The following ANXA8 variants were observed in gnomAD, a reference collection of about 807,000 sequenced individuals.
ANXA8 encodes the protein annexin A8, also known as VAC-beta.
ANXA8 carries 9 observed loss-of-function variants against 26.8 expected under a neutral mutation model. That is an observed-to-expected ratio of 0.34 (90% CI 0.20 to 0.59). ANXA8 has a LOEUF of 0.59. Ranked by LOEUF, ANXA8 falls within the 20% of genes least tolerant of loss-of-function variation. The pLI is 0.84. For missense variants in ANXA8, 83 were observed against 238.5 expected, an observed-to-expected ratio of 0.35 and a Z score of 4.29; for synonymous variants, 39 against 94.8, an observed-to-expected ratio of 0.41 and a Z score of 3.42.
At chr10:47,500,995 G>A in the ANXA8 span, among the ~76,000 whole-genome samples, 12 of 139,810 alleles carry the variant, frequency 8.6e-5, no homozygotes, top group African/African-American at 2.2e-4. Flanking sequence ...CTGGGTTCAC[G>A]CCATTCTCCT....
chr10:47,703,647 C>A, the ANXA8 span, among the ~76,000 whole-genome samples: 1 of 151,436 alleles, frequency 6.6e-6, no homozygotes, highest in African/African-American at 2.4e-5. Context: ...ACTGCACCGA[C>A]ACAAATGCAC....
At chr10:47,501,294 G>A in the ANXA8 span, among the ~76,000 whole-genome samples, 10 of 143,298 alleles carry the variant, frequency 7.0e-5, no homozygotes, top group South Asian at 4.5e-4. Flanking sequence ...TGATCAGTCC[G>A]CCTAGGCCTC....
chr10:47,683,366 C>G, the ANXA8 span, among the ~76,000 whole-genome samples: 1 of 151,208 alleles, frequency 6.6e-6, no homozygotes. Context: ...GTAGCTGGGA[C>G]TACAGGCGCC....
At chr10:47,565,200 C>G in the ANXA8 span, 11 of 650,668 alleles carry the variant, frequency 1.7e-5, no homozygotes, top group African/African-American at 1.5e-4. Flanking sequence ...GGCACCCCCT[C>G]AGGAATGCAG....
the ANXA8 span, among the ~76,000 whole-genome samples, chr10:47,645,579 A>G: frequency 6.6e-6 from 1 of 151,576 alleles, no homozygotes; most frequent in Admixed American, 6.6e-5. Context: ...TAATTTCTTC[A>G]TGTGTCTATT....
At chr10:47,526,110 ATTT>A in the ANXA8 span, among the ~76,000 whole-genome samples, 1 of 117,524 alleles carries the variant, frequency 8.5e-6, no homozygotes. Context: ...TTTACTTTTT[ATTT>A]TTTTTTTTTT....
the ANXA8 span, among the ~76,000 whole-genome samples, chr10:47,551,032 A>G: frequency 6.6e-6 from 1 of 150,620 alleles, no homozygotes; most frequent in Non-Finnish European, 1.5e-5. Flanking sequence ...TCTGACCCCT[A>G]TCCAAATCAA....
At chr10:47,679,709 A>C in the ANXA8 span, among the ~76,000 whole-genome samples, 1 of 151,772 alleles carries the variant, frequency 6.6e-6, no homozygotes, top group African/African-American at 2.4e-5. Context: ...GCTTGAGCCC[A>C]GAAATTGGAG....
chr10:47,768,435 G>A, the ANXA8 span, among the ~76,000 whole-genome samples: 1 of 151,276 alleles, frequency 6.6e-6, no homozygotes, highest in South Asian at 2.1e-4. Context: ...CCAAAGAGTG[G>A]TGACAGACTA....
the ANXA8 span, among the ~76,000 whole-genome samples, chr10:47,679,029 T>A: frequency 9.8e-6 from 1 of 101,882 alleles, no homozygotes; most frequent in Admixed American, 1.3e-4. Context: ...GGCAACAGAG[T>A]GAGAACCTAT....
At chr10:47,496,053 G>A in the ANXA8 span, among the ~76,000 whole-genome samples, 96 of 151,656 alleles carry the variant, frequency 6.3e-4, no homozygotes, top group South Asian at 7.5e-3. Context: ...AAAGGAGGCT[G>A]GCAGTAGAAT....
the ANXA8 span, among the ~76,000 whole-genome samples, chr10:47,554,246 G>A: frequency 7.2e-6 from 1 of 138,356 alleles, no homozygotes; most frequent in Non-Finnish European, 1.5e-5. Context: ...CTTGAGCCTG[G>A]GAGGCAGAAG....
At chr10:47,957,222 T>A in the ANXA8 span, among the ~76,000 whole-genome samples, 1 of 150,214 alleles carries the variant, frequency 6.7e-6, no homozygotes, top group African/African-American at 2.5e-5. Context: ...AGGAGAGAGA[T>A]TTCAGGGCTG....
chr10:47,557,003 C>CTTTTTT, the ANXA8 span, among the ~76,000 whole-genome samples: 31 of 113,430 alleles, frequency 2.7e-4, no homozygotes, highest in African/African-American at 5.7e-4. Flanking sequence ...TATTTTCTTT[C>CTTTTTT]TTTTTTTTTT....
At chr10:47,673,869 A>G in the ANXA8 span, among the ~76,000 whole-genome samples, 1 of 148,714 alleles carries the variant, frequency 6.7e-6, no homozygotes, top group East Asian at 2.0e-4. Flanking sequence ...ATACTGATAT[A>G]TTTTCATTAA....
chr10:47,695,919 G>A, the ANXA8 span, among the ~76,000 whole-genome samples: 2 of 151,748 alleles, frequency 1.3e-5, no homozygotes, highest in Non-Finnish European at 2.9e-5. Flanking sequence ...AACTTGTGTG[G>A]AAGATAATTA....
chr10:47,673,735 TAG>T, the ANXA8 span, among the ~76,000 whole-genome samples: 50 of 152,006 alleles, frequency 3.3e-4, 2 homozygotes, highest in South Asian at 9.7e-3. Context: ...CAAGATAGTA[TAG>T]AGAGTTCCCA....
At chr10:47,971,121 C>A in the ANXA8 span, among the ~76,000 whole-genome samples, 2 of 151,244 alleles carry the variant, frequency 1.3e-5, no homozygotes, top group Non-Finnish European at 1.5e-5. Context: ...ACCTGAGTGA[C>A]CACAGGGCTC....
the ANXA8 span, among the ~76,000 whole-genome samples, chr10:47,529,331 T>G: frequency 1.3e-4 from 19 of 149,860 alleles, no homozygotes; most frequent in Admixed American, 2.7e-4. Flanking sequence ...GAGATCAGGG[T>G]TGTACAGTGT....
Sources: gnomAD v4.1 joint callset for allele counts (sites outside exome capture counted in the v4.1 genomes callset) on GRCh38, gnomAD v4.1.1 for gene constraint, MANE v1.5 for transcripts, NCBI Gene and HGNC (gene_info 2026-07-23, HGNC 2026-07-21) for gene names.